Variants in STXBP4 observed in about 807,000 individuals in gnomAD.
The protein encoded by STXBP4 is syntaxin binding protein 4, also known as syntaxin-binding protein 4.
STXBP4 carries 55 observed loss-of-function variants against 76.1 expected under a neutral mutation model. The observed-to-expected ratio is 0.72, with a 90% CI of 0.58 to 0.91. The LOEUF (loss-of-function observed/expected upper bound fraction) is 0.91, where lower values mean the gene tolerates loss of function less well. STXBP4 is among the 40% of genes least tolerant of loss of function. The probability of loss-of-function intolerance (pLI) is 0.00; values close to 1 mark genes in which losing one functional copy is unlikely to be tolerated. For synonymous variants in STXBP4, 201 were observed against 220.2 expected, an observed-to-expected ratio of 0.91 and a Z score of 0.77; for missense variants, 618 against 636.9, an observed-to-expected ratio of 0.97 and a Z score of 0.32.
At chr17:55,022,942 A>G (rs1158559722) in intron 8 of STXBP4, among the ~76,000 whole-genome samples, 9 of 152,216 alleles carry the variant, frequency 5.9e-5, no homozygotes, top group Admixed American at 5.9e-4. Flanking sequence ...TTAATAGGAA[A>G]GTGACCAATG....
chr17:55,112,108 T>TG (rs1000068556), intron 16 of STXBP4, among the ~76,000 whole-genome samples: 3 of 151,678 alleles, frequency 2.0e-5, no homozygotes, highest in Admixed American at 2.0e-4. Context: ...TTTAAAGCGA[T>TG]GGGGTCTTGC....
chr17:55,006,833 A>G (rs575213961), intron 7 of STXBP4, among the ~76,000 whole-genome samples: 1 of 152,336 alleles, frequency 6.6e-6, no homozygotes, highest in East Asian at 1.9e-4. Flanking sequence ...TACACATCAC[A>G]AAACACTTTT....
At chr17:54,973,947 T>A (rs1051673427) in intron 1 of STXBP4, among the ~76,000 whole-genome samples, 2 of 152,246 alleles carry the variant, frequency 1.3e-5, no homozygotes, top group African/African-American at 4.8e-5. Context: ...GTAAGTTATA[T>A]AAGTTATTTT....
In STXBP4 at chr17:55,166,736, A is replaced by G. The variant is rs1475398043; in HGVS notation, c.*6825A>G. 6.6e-6 allele frequency: 1 copy of G among 152,236 alleles called. No individual in the cohort carries two copies. Among genetic ancestry groups the G allele is most frequent in the African/African-American group, 2.4e-5 (1 of 41,448 alleles). 9.4% of individuals were successfully genotyped at this position (152,236 alleles called of 1,614,324 possible). ...ACTTCCCACTCAGGAGTGGTAGAGCAAGAACTTCCACCTCAAGAGAGTTGC... is the reference window on the plus strand; with the variant it reads ...ACTTCCCACTCAGGAGTGGTAGAGCGAGAACTTCCACCTCAAGAGAGTTGC... On this transcript the variant is annotated 3_prime_UTR_variant, in exon 18 of 18. Coordinates refer to ENST00000376352, the MANE Select transcript of STXBP4 (RefSeq NM_178509.6).
rs186124190 is a variant in STXBP4, at chr17:55,080,061, C to G, written c.1356-989C>G. ...TTATTTCTTTATGGGCTAAGTGTGTCACCCACCCTCAGCTTTCCAAGGTCT... is the reference window on the plus strand; with the variant it reads ...TTATTTCTTTATGGGCTAAGTGTGTGACCCACCCTCAGCTTTCCAAGGTCT... On this transcript the variant is annotated intron_variant, in intron 15 of 17. Transcript: ENST00000376352. Among the ~76,000 whole-genome samples the G allele has an allele frequency of 1.8e-4, 28 of 152,220 alleles. 1 individual carries two copies. The highest frequency in any genetic ancestry group is 6.8e-3 in the Middle Eastern group (2 of 294).
intron 16 of STXBP4, among the ~76,000 whole-genome samples, chr17:55,113,354 C>T (rs1195395449): frequency 6.6e-6 from 1 of 151,874 alleles, no homozygotes; most frequent in Admixed American, 6.6e-5. Flanking sequence ...TCATGTTGTA[C>T]ACTTTAAATA....
chr17:55,057,718 G>T (rs776593899), intron 12 of STXBP4, among the ~76,000 whole-genome samples: 1 of 151,992 alleles, frequency 6.6e-6, no homozygotes. Flanking sequence ...TCCACCGCCC[G>T]ACAGGCCCCA....
At chr17:55,034,346 T>A in intron 10 of STXBP4, 87 bp downstream of exon 10, 2 of 780,548 alleles carry the variant, frequency 2.6e-6, no homozygotes, top group Non-Finnish European at 3.9e-6. Flanking sequence ...TTTTTTCACT[T>A]AAAAATAGAA....
rs1269025737 is a variant in STXBP4 at position 55,072,958 on chromosome 17, A to C, written c.1070A>C (p.Glu357Ala). The C allele has an allele frequency of 6.2e-7, 1 of 1,613,856 alleles. No homozygotes were observed. The highest frequency in any genetic ancestry group is 1.3e-5 in the African/African-American group (1 of 74,928). The change falls in exon 13 of 18, where the codon GAA becomes GCA. Residue 357 changes from glutamate (E) to alanine (A), a missense_variant. Glu to Ala is a moderately radical substitution (Grantham distance 107). Transcript: ENST00000376352. ...CTGCGTAGTCGGATTCATCTTGCTG[A>C]AGCTGCTCAGAGACAGGCACATGGA... ...RALRSRIHLA[E>A]AAQRQAHGME...
At chr17:55,133,540 G>A (rs1030985206) in intron 16 of STXBP4, among the ~76,000 whole-genome samples, 1 of 152,122 alleles carries the variant, frequency 6.6e-6, no homozygotes, top group South Asian at 2.1e-4. Flanking sequence ...ATGAGTGTAC[G>A]CAGGAAAAGA....
chr17:55,094,939 CAGA>C (rs1451456962), intron 16 of STXBP4, among the ~76,000 whole-genome samples: 2 of 152,150 alleles, frequency 1.3e-5, no homozygotes, highest in Non-Finnish European at 2.9e-5. Flanking sequence ...TGAGTTTTCA[CAGA>C]AGATCATTTC....
intron 17 of STXBP4, among the ~76,000 whole-genome samples, chr17:55,157,849 T>G (rs966858098): frequency 6.6e-5 from 10 of 152,160 alleles, no homozygotes; most frequent in African/African-American, 2.4e-4. Context: ...ATAAAGTGAA[T>G]GCATTTTTGT....
chr17:55,001,401 C>G (rs879288200), intron 7 of STXBP4, among the ~76,000 whole-genome samples: 5 of 151,804 alleles, frequency 3.3e-5, no homozygotes, highest in Non-Finnish European at 7.4e-5. Context: ...CTTTTTAAAA[C>G]AATAAAGCGT....
At chr17:54,989,140 C>T (rs540946286) in intron 3 of STXBP4, among the ~76,000 whole-genome samples, 1 of 152,364 alleles carries the variant, frequency 6.6e-6, no homozygotes, top group East Asian at 1.9e-4. Flanking sequence ...CAGAGTCTCG[C>T]TCTGTTGCCC....
intron 13 of STXBP4, 122 bp downstream of exon 13, chr17:55,073,198 A>G (rs762964430): frequency 1.8e-4 from 159 of 864,072 alleles, no homozygotes; most frequent in Middle Eastern, 6.3e-4. Context: ...CTATTATTCA[A>G]TGATAGGATG....
At chr17:55,206,479 G>A in the STXBP4 span, among the ~76,000 whole-genome samples, 1 of 152,068 alleles carries the variant, frequency 6.6e-6, no homozygotes, top group Admixed American at 6.6e-5. Flanking sequence ...TAATCCTAGC[G>A]GGGTAGAGAG....
At chr17:55,016,420 T>G (rs2078208768) in intron 8 of STXBP4, among the ~76,000 whole-genome samples, 1 of 152,190 alleles carries the variant, frequency 6.6e-6, no homozygotes, top group Admixed American at 6.5e-5. Flanking sequence ...TCAAGATGCA[T>G]TCCCATAAAT....
chr17:55,020,322 G>A (rs1163947711), intron 8 of STXBP4, among the ~76,000 whole-genome samples: 1 of 151,886 alleles, frequency 6.6e-6, no homozygotes, highest in African/African-American at 2.4e-5. Context: ...ATTTGTTATT[G>A]TCTACCTAGT....
intron 8 of STXBP4, among the ~76,000 whole-genome samples, chr17:55,020,964 A>C (rs552854480): frequency 6.6e-6 from 1 of 152,320 alleles, no homozygotes; most frequent in East Asian, 1.9e-4. Context: ...ACTGGAACTA[A>C]ATTCCCAAGT....
Sources: gnomAD v4.1 joint callset for allele counts (sites outside exome capture counted in the v4.1 genomes callset) on GRCh38, gnomAD v4.1.1 for gene constraint, MANE v1.5 for transcripts, NCBI Gene and HGNC (gene_info 2026-07-23, HGNC 2026-07-21) for gene names.